ECI1: variants seen among roughly 807,000 people sequenced by gnomAD.
ECI1 encodes the protein enoyl-CoA delta isomerase 1, also known as enoyl-CoA delta isomerase 1, mitochondrial.
A neutral mutation model predicts 34.2 loss-of-function variants in ECI1; 34 were observed. That is an observed-to-expected ratio of 1.00 (90% CI 0.76 to 1.33). The LOEUF (loss-of-function observed/expected upper bound fraction) is 1.33. ECI1 is among the 40% of genes most tolerant of loss of function. The probability of loss-of-function intolerance (pLI) is 0.00; values close to 1 mark genes in which losing one functional copy is unlikely to be tolerated. For synonymous variants in ECI1, 211 were observed against 193.0 expected (o/e 1.09, Z -0.77); for missense variants, 456 against 422.2 (o/e 1.08, Z -0.70).
chr16:2,250,334 G>A (rs1217781516), intron 2 of ECI1, among the ~76,000 whole-genome samples: 1 of 150,670 alleles, frequency 6.6e-6, no homozygotes, highest in African/African-American at 2.4e-5. Context: ...TTTGTAGAGA[G>A]AGCCCAGGCA....
chr16:2,244,440 T>TGA lies in ECI1; in HGVS notation c.406_407insTC (p.Tyr136PhefsTer25). 1 of 1,612,238 alleles carries TGA rather than the reference T, an allele frequency of 6.2e-7. No individual in the cohort carries two copies. Among genetic ancestry groups the TGA allele is most frequent in the Non-Finnish European group, 8.5e-7 (1 of 1,179,756 alleles). On this transcript the variant is annotated frameshift_variant, in exon 4 of 7. Coordinates refer to ENST00000301729, the MANE Select transcript of ECI1 (RefSeq NM_001919.4). LOFTEE classifies it high-confidence loss of function. ...GGAGACCAGCACCAGGTTGGACTGG[T>TGA]ACAACCGCAGCCACAGCTCCTGAAC...
intron 2 of ECI1, among the ~76,000 whole-genome samples, chr16:2,249,415 G>A (rs1330155830): frequency 6.6e-6 from 1 of 151,964 alleles, no homozygotes; most frequent in Non-Finnish European, 1.5e-5. Context: ...ATATACTTAC[G>A]GCCACGGGGT....
chr16:2,245,816 C>T (rs2093538993), intron 3 of ECI1, among the ~76,000 whole-genome samples: 1 of 152,100 alleles, frequency 6.6e-6, no homozygotes, highest in Non-Finnish European at 1.5e-5. Context: ...AGTTCAAGAC[C>T]AACGTGGGCA....
intron 3 of ECI1, among the ~76,000 whole-genome samples, 197 bp downstream of exon 3, chr16:2,246,662 C>T (rs2093540967): frequency 1.3e-5 from 2 of 152,194 alleles, no homozygotes; most frequent in South Asian, 4.1e-4. Context: ...AGTTTGGGTC[C>T]CTGCTGGGGC....
chr16:2,245,438 C>T (rs1271241008), intron 3 of ECI1, among the ~76,000 whole-genome samples: 1 of 152,230 alleles, frequency 6.6e-6, no homozygotes, highest in Non-Finnish European at 1.5e-5. Context: ...TCCACATCCT[C>T]AGGCGATGTG....
chr16:2,243,138 GC>G lies in ECI1; in HGVS notation c.649del (p.Ala217ProfsTer6). 2 of 1,606,354 alleles carry G rather than the reference GC, an allele frequency of 1.2e-6. No individual in the cohort carries two copies. Among genetic ancestry groups the G allele is most frequent in the Non-Finnish European group, 1.7e-6 (2 of 1,179,674 alleles). On this transcript the variant is annotated frameshift_variant, in exon 6 of 7. Coordinates refer to ENST00000301729, the MANE Select transcript of ECI1 (RefSeq NM_001919.4). LOFTEE classifies it high-confidence loss of function. Reference protein sequence around the residue: ...QLGLLFPPAEALQVGIVDQVV... With the variant: ...QLGLLFPPAEXLQVGIVDQVV... ...CTGGTCCACTATGCCCACCTGCAGGGCCTCCGCCGGCGGGAAGAGCAGCCCC... is the reference window on the plus strand; with the variant it reads ...CTGGTCCACTATGCCCACCTGCAGGGCTCCGCCGGCGGGAAGAGCAGCCCC...
At chr16:2,242,964 C>G (rs1002798923) in intron 6 of ECI1, 82 bp downstream of exon 6, 3 of 1,102,966 alleles carry the variant, frequency 2.7e-6, no homozygotes, top group Non-Finnish European at 4.1e-6. Context: ...CCCGAAGTCA[C>G]GATGTCCACA....
At chr16:2,250,017 A>T (rs1304258942) in intron 2 of ECI1, among the ~76,000 whole-genome samples, 1 of 148,586 alleles carries the variant, frequency 6.7e-6, no homozygotes, top group Non-Finnish European at 1.5e-5. Flanking sequence ...GTCTCAAAAA[A>T]AAAAAAATAA....
At chr16:2,242,060 G>T (rs559742936) in intron 6 of ECI1, among the ~76,000 whole-genome samples, 1 of 152,054 alleles carries the variant, frequency 6.6e-6, no homozygotes, top group Non-Finnish European at 1.5e-5. Context: ...GGGTTTCACC[G>T]TGTTAGCCAG....
In ECI1 at chr16:2,239,514, G is replaced by GA. The variant is rs2093522652; in HGVS notation, c.*464dup. 1 of 207,956 alleles carries GA rather than the reference G, an allele frequency of 4.8e-6. No homozygotes were observed. Among genetic ancestry groups the GA allele is most frequent in the South Asian group, 7.7e-5 (1 of 12,966 alleles). The allele number at this position is 207,956 out of a possible 1,614,324, so 12.9% of individuals were successfully genotyped here. On this transcript the variant is annotated 3_prime_UTR_variant, in exon 7 of 7. Coordinates refer to ENST00000301729, the MANE Select transcript of ECI1 (RefSeq NM_001919.4). ...TGGCTCAGGATCCCCCAGTTGCTCTGATTCACTGTGCGCTCTTCATCCTGA... is the reference window on the plus strand; with the variant it reads ...TGGCTCAGGATCCCCCAGTTGCTCTGAATTCACTGTGCGCTCTTCATCCTGA...
chr16:2,250,532 G>A (rs932906797), intron 2 of ECI1, among the ~76,000 whole-genome samples: 1 of 152,136 alleles, frequency 6.6e-6, no homozygotes, highest in Non-Finnish European at 1.5e-5. Context: ...GCACCGGGAG[G>A]TCCAGGTCAG....
chr16:2,246,054 T>A (rs887860539), intron 3 of ECI1, among the ~76,000 whole-genome samples: 3 of 152,080 alleles, frequency 2.0e-5, no homozygotes, highest in African/African-American at 7.2e-5. Context: ...CCAGGCCCTG[T>A]AAAGCCACGC....
intron 2 of ECI1, 67 bp downstream of exon 2, chr16:2,251,249 C>T (rs1208011307): frequency 2.7e-5 from 21 of 777,842 alleles, no homozygotes; most frequent in Non-Finnish European, 3.5e-5. Context: ...TCCGACAGCA[C>T]CCCGCGAGCG....
intron 4 of ECI1, 129 bp from the exon 5 acceptor site, chr16:2,243,568 A>C: frequency 2.2e-5 from 25 of 1,123,094 alleles, no homozygotes; most frequent in Non-Finnish European, 2.9e-5. Context: ...AACACCCACA[A>C]TGGTCTGGGC....
intron 6 of ECI1, 187 bp downstream of exon 6, chr16:2,242,859 C>T (rs916225134): frequency 6.4e-6 from 4 of 627,264 alleles, no homozygotes; most frequent in Admixed American, 2.4e-5. Context: ...TCTCCAGCAC[C>T]GTGAGATGAG....
chr16:2,251,424 G>C lies in ECI1; in HGVS notation c.58C>G (p.Arg20Gly). The C allele has an allele frequency of 7.0e-7, 1 of 1,427,434 alleles. No individual in the cohort carries two copies. The highest frequency in any genetic ancestry group is 1.4e-5 in the South Asian group (1 of 71,354). The allele number at this position is 1,427,434 out of a possible 1,614,324, so 88.4% of individuals were successfully genotyped here. ...PARVLLRAGARLPGAALGRTE... is the reference protein window; with the variant it reads ...PARVLLRAGAGLPGAALGRTE... ...CGCCCGAGGGCCGCGCCCGGGAGCC[G>C]GGCCCCTGCGAAGGCAGCGTGGGGG... Residue 20 changes from arginine to glycine, a missense_variant, in exon 2 of 7, where the codon CGG (arginine) becomes GGG (glycine). By Grantham distance (125) the Arg-to-Gly change is moderately radical. Coordinates refer to ENST00000301729, the MANE Select transcript of ECI1 (RefSeq NM_001919.4).
rs1435470308 is a variant in ECI1 at position 2,251,567 on chromosome 16, C to T, written c.-1G>A. The T allele has an allele frequency of 6.4e-7, 1 of 1,555,850 alleles. No individual in the cohort carries two copies. Among genetic ancestry groups the T allele is most frequent in the Admixed American group, 1.9e-5 (1 of 52,030 alleles). ...CTCGCACAGAAGCCACCAGCGCCAT[C>T]TTGACCGCAACGCGCGGGATAAAGG... is the stretch of plus-strand genomic sequence containing the variant. On this transcript the variant is annotated 5_prime_UTR_variant, in exon 1 of 7. Coordinates refer to ENST00000301729, the MANE Select transcript of ECI1 (RefSeq NM_001919.4).
At chr16:2,246,382 C>T (rs2093540315) in intron 3 of ECI1, among the ~76,000 whole-genome samples, 2 of 152,190 alleles carry the variant, frequency 1.3e-5, no homozygotes, top group African/African-American at 2.4e-5. Context: ...ACTCCAGGAA[C>T]CCACCACCAG....
intron 4 of ECI1, chr16:2,244,117 T>G: frequency 3.9e-6 from 2 of 511,134 alleles, no homozygotes; most frequent in East Asian, 7.0e-5. Context: ...GATCACCCAC[T>G]CACCCACACA....
Sources: allele counts gnomAD v4.1 joint callset (sites outside exome capture counted in the v4.1 genomes callset), GRCh38; gene constraint gnomAD v4.1.1; transcripts MANE v1.5; gene names NCBI Gene and HGNC (gene_info 2026-07-23, HGNC 2026-07-21).